The following GSE1 variants were observed in gnomAD, a reference collection of about 807,000 sequenced individuals.
GSE1 encodes the protein genetic suppressor element 1.
In GSE1, 32 loss-of-function variants were observed where a neutral mutation model predicts 112.6. That is an observed-to-expected ratio of 0.28 (90% CI 0.21 to 0.38). The LOEUF is 0.38. GSE1 is among the 10% of genes least tolerant of loss of function. GSE1 has a pLI of 1.00. For missense variants in GSE1, 2,348 were observed against 1,699.2 expected (o/e 1.38, Z -6.71); for synonymous variants, 1,115 against 735.6 (o/e 1.52, Z -8.35).
chr16:85,485,703 G>A (rs933501654), intron 2 of GSE1, among the ~76,000 whole-genome samples: 6 of 152,254 alleles, frequency 3.9e-5, no homozygotes, highest in African/African-American at 7.2e-5. Flanking sequence ...CGAGGCGGCC[G>A]GCTGTGCATC....
chr16:85,237,711 G>C (rs560491687), intron 1 of GSE1, among the ~76,000 whole-genome samples: 6 of 152,096 alleles, frequency 3.9e-5, no homozygotes, highest in African/African-American at 1.4e-4. Context: ...GGTGGCGGGC[G>C]CCTGTAGTCC....
At chr16:85,204,060 G>A (rs1360200674) in intron 1 of GSE1, among the ~76,000 whole-genome samples, 1 of 152,148 alleles carries the variant, frequency 6.6e-6, no homozygotes, top group African/African-American at 2.4e-5. Flanking sequence ...ATGAGCCGCC[G>A]TGCCTGGCCA....
At chr16:85,535,863 C>G (rs1027901913) in intron 2 of GSE1, among the ~76,000 whole-genome samples, 2 of 152,254 alleles carry the variant, frequency 1.3e-5, no homozygotes, top group Non-Finnish European at 2.9e-5. Flanking sequence ...AAAGGCCTGT[C>G]CTGTCCGGCC....
intron 2 of GSE1, among the ~76,000 whole-genome samples, chr16:85,537,430 C>G (rs2044368412): frequency 1.3e-5 from 2 of 152,232 alleles, no homozygotes; most frequent in African/African-American, 4.8e-5. Context: ...AAAGGTGAAG[C>G]TAAGTGAGGG....
chr16:85,446,872 G>T (rs1168096396), intron 2 of GSE1, among the ~76,000 whole-genome samples: 1 of 152,084 alleles, frequency 6.6e-6, no homozygotes. Flanking sequence ...CCCCGCTCCC[G>T]CTGTCCCCAT....
chr16:85,580,291 C>T (rs1598264874), intron 1 of GSE1: 2 of 152,406 alleles, frequency 1.3e-5, no homozygotes, highest in African/African-American at 4.8e-5. Context: ...AGTGGAAAAG[C>T]GTGTAGGGAG....
intron 1 of GSE1, among the ~76,000 whole-genome samples, chr16:85,258,591 C>T (rs988575673): frequency 6.6e-6 from 1 of 152,096 alleles, no homozygotes; most frequent in South Asian, 2.1e-4. Context: ...GGCGCCTCTG[C>T]CCCCCAAGGC....
At chr16:85,542,164 A>G (rs2044542944) in intron 2 of GSE1, among the ~76,000 whole-genome samples, 1 of 152,124 alleles carries the variant, frequency 6.6e-6, no homozygotes, top group South Asian at 2.1e-4. Context: ...GCATGTTGGA[A>G]TTTGTAGAGT....
intron 1 of GSE1, among the ~76,000 whole-genome samples, chr16:85,318,992 G>A (rs78420509): frequency 0.076 from 11,542 of 152,252 alleles, 554 homozygotes; most frequent in African/African-American, 0.12. Flanking sequence ...TAAGAATGGC[G>A]CATCACCTGG....
intron 1 of GSE1, among the ~76,000 whole-genome samples, chr16:85,307,729 A>G (rs897310961): frequency 6.6e-6 from 1 of 152,156 alleles, no homozygotes; most frequent in South Asian, 2.1e-4. Flanking sequence ...GCACCTCCGC[A>G]CGTCAAGCTG....
chr16:85,628,049 G>T (rs1056630992), intron 1 of GSE1, among the ~76,000 whole-genome samples: 2 of 152,178 alleles, frequency 1.3e-5, no homozygotes, highest in Non-Finnish European at 2.9e-5. Flanking sequence ...GAGGCACGTG[G>T]GCCCTGGAGG....
Position 85,661,755 on chromosome 16 carries a change from C to A in GSE1, c.2250C>A (p.Ala750=). 2 of 1,528,978 alleles carry A rather than the reference C, an allele frequency of 1.3e-6. No individual in the cohort carries two copies. Among genetic ancestry groups the A allele is most frequent in the Non-Finnish European group, 1.8e-6 (2 of 1,134,418 alleles). The allele number at this position is 1,528,978 out of a possible 1,614,324, so 94.7% of individuals were successfully genotyped here. A position where few individuals can be genotyped will look rare whatever the true frequency, so the allele number is the denominator to read the frequency against. Residue 750 remains alanine (A), a synonymous_variant, in exon 9 of 16, where the codon GCC becomes GCA. Transcript: ENST00000253458. ...LDLEERRRRE[A]QEKGYYYDLD... ...TGGAGGAGCGCAGGCGGCGGGAGGC[C>A]CAGGAGAAAGGTCTGCCTCCCCGCG...
At chr16:85,251,088 C>T (rs1426315497) in intron 1 of GSE1, among the ~76,000 whole-genome samples, 1 of 152,224 alleles carries the variant, frequency 6.6e-6, no homozygotes, top group East Asian at 1.9e-4. Context: ...GCTGCTCCCA[C>T]TCTGGGCTGT....
At chr16:85,492,996 C>G (rs879585873) in intron 2 of GSE1, among the ~76,000 whole-genome samples, 2 of 152,176 alleles carry the variant, frequency 1.3e-5, no homozygotes, top group South Asian at 2.1e-4. Flanking sequence ...GGAATGCGCA[C>G]TAAAAGAGCT....
At chr16:85,179,675 C>T (rs1283928088) in intron 1 of GSE1, among the ~76,000 whole-genome samples, 5 of 152,180 alleles carry the variant, frequency 3.3e-5, no homozygotes, top group Non-Finnish European at 5.9e-5. Context: ...TGCCTGCAGT[C>T]CATCCTCTTA....
chr16:85,628,685 A>G (rs927075082), intron 1 of GSE1, among the ~76,000 whole-genome samples: 1 of 152,168 alleles, frequency 6.6e-6, no homozygotes, highest in Admixed American at 6.5e-5. Context: ...TCGAGCCGCC[A>G]TCCCTTTGAA....
At chr16:85,584,538 C>T (rs542325548) in intron 1 of GSE1, among the ~76,000 whole-genome samples, 18 of 152,340 alleles carry the variant, frequency 1.2e-4, no homozygotes, top group Admixed American at 5.9e-4. Flanking sequence ...TTGAGAACGC[C>T]TGCGAAGCAG....
chr16:85,640,220 G>A (rs997299112), intron 2 of GSE1, among the ~76,000 whole-genome samples: 1 of 152,284 alleles, frequency 6.6e-6, no homozygotes, highest in South Asian at 2.1e-4. Flanking sequence ...CCCGGTGGCC[G>A]GGACTCATGG....
chr16:85,484,922 G>T (rs2050785840), intron 2 of GSE1, among the ~76,000 whole-genome samples: 1 of 152,124 alleles, frequency 6.6e-6, no homozygotes, highest in African/African-American at 2.4e-5. Flanking sequence ...CCTGCCCTGG[G>T]CATGGGCTGC....
Sources: allele counts gnomAD v4.1 joint callset (sites outside exome capture counted in the v4.1 genomes callset), GRCh38; gene constraint gnomAD v4.1.1; transcripts MANE v1.5; gene names NCBI Gene and HGNC (gene_info 2026-07-23, HGNC 2026-07-21).